The following YAP1 variants were observed in gnomAD, a reference collection of about 807,000 sequenced individuals.
The protein encoded by YAP1 is Yes1 associated transcriptional regulator, also known as transcriptional coactivator YAP1.
A neutral mutation model predicts 56.9 loss-of-function variants in YAP1; 5 were observed. The observed-to-expected ratio is 0.09, with a 90% CI of 0.05 to 0.18. The LOEUF is 0.18. Ranked by LOEUF, YAP1 falls within the 10% of genes least tolerant of loss-of-function variation. The probability of loss-of-function intolerance (pLI) is 1.00; values close to 1 mark genes in which losing one functional copy is unlikely to be tolerated. For synonymous variants in YAP1, 265 were observed against 248.1 expected (o/e 1.07, Z -0.64); for missense variants, 539 against 651.8 (o/e 0.83, Z 1.88).
intron 3 of YAP1, among the ~76,000 whole-genome samples, chr11:102,176,906 A>C (rs1947296766): frequency 6.6e-6 from 1 of 152,080 alleles, no homozygotes; most frequent in Non-Finnish European, 1.5e-5. Flanking sequence ...GGAGTGAACA[A>C]GCCATGCGGC....
At chr11:102,139,463 A>C (rs1267985525) in intron 2 of YAP1, among the ~76,000 whole-genome samples, 1 of 152,124 alleles carries the variant, frequency 6.6e-6, no homozygotes, top group Non-Finnish European at 1.5e-5. Flanking sequence ...TGCTGTGCAA[A>C]GTTTTCCCTC....
chr11:102,212,309 T>A (rs1184343053), intron 6 of YAP1, among the ~76,000 whole-genome samples: 1 of 152,216 alleles, frequency 6.6e-6, no homozygotes, highest in Non-Finnish European at 1.5e-5. Context: ...AAGCTGTCTT[T>A]AAGTACTTCC....
chr11:102,156,684 T>C (rs911163810), intron 2 of YAP1, among the ~76,000 whole-genome samples: 13 of 152,198 alleles, frequency 8.5e-5, no homozygotes, highest in African/African-American at 2.9e-4. Context: ...TTGGGAGGAA[T>C]ATTCTCAGTC....
chr11:102,112,476 T>C (rs1238614174), intron 1 of YAP1: 4 of 966,758 alleles, frequency 4.1e-6, no homozygotes, highest in Non-Finnish European at 4.9e-6. Context: ...AACTTCAGCA[T>C]AGGAACTTTG....
chr11:102,113,874 G>A (rs1380234960), intron 1 of YAP1, among the ~76,000 whole-genome samples: 1 of 152,094 alleles, frequency 6.6e-6, no homozygotes, highest in African/African-American at 2.4e-5. Flanking sequence ...AGTACTAGTT[G>A]CCCTTACATG....
intron 2 of YAP1, among the ~76,000 whole-genome samples, chr11:102,122,151 G>C (rs532407030): frequency 4.7e-4 from 71 of 152,260 alleles, no homozygotes; most frequent in Non-Finnish European, 8.1e-4. Context: ...CTGGCGCAGT[G>C]GCTCATGCCT....
At chr11:102,150,285 G>A (rs762110861) in intron 2 of YAP1, among the ~76,000 whole-genome samples, 11 of 151,960 alleles carry the variant, frequency 7.2e-5, no homozygotes, top group Non-Finnish European at 1.3e-4. Context: ...CGCCCAGCCT[G>A]CTTACTACTT....
chr11:102,197,047 T>C (rs1449181747), intron 4 of YAP1, among the ~76,000 whole-genome samples: 3 of 152,136 alleles, frequency 2.0e-5, no homozygotes, highest in Non-Finnish European at 2.9e-5. Flanking sequence ...GAGTGAGTGT[T>C]TTGTGTTTTG....
chr11:102,156,563 A>G (rs1046733188), intron 2 of YAP1, among the ~76,000 whole-genome samples: 1 of 152,166 alleles, frequency 6.6e-6, no homozygotes. Flanking sequence ...TTACGAAAAG[A>G]GCTAGGTGGA....
rs1950381228 is a variant in YAP1, at chr11:102,230,006, C to A, written c.*66C>A. 5.7e-6 allele frequency: 8 copies of A among 1,406,866 alleles called. No individual in the cohort carries two copies. In the Middle Eastern group the frequency reaches 5.5e-4, roughly 96 times the overall value. The allele number at this position is 1,406,866 out of a possible 1,614,324, so 87.1% of individuals were successfully genotyped here. On this transcript the variant is annotated 3_prime_UTR_variant, in exon 9 of 9. Transcript: ENST00000282441. The stretch of plus-strand genomic sequence containing the variant: ...AAGGAGACACATGCACCGGAAATTT[C>A]CATAAGCCAGTTGCAGTTTTCAGGC...
At chr11:102,211,606 G>T (rs959071764) in intron 6 of YAP1, among the ~76,000 whole-genome samples, 1 of 152,102 alleles carries the variant, frequency 6.6e-6, no homozygotes, top group Admixed American at 6.5e-5. Context: ...GGTGGTATTT[G>T]TATCAAGAAA....
intron 4 of YAP1, among the ~76,000 whole-genome samples, chr11:102,197,004 C>A (rs1158024724): frequency 1.3e-5 from 2 of 151,942 alleles, no homozygotes; most frequent in Admixed American, 6.5e-5. Flanking sequence ...TGATTCAGTC[C>A]CCTTAGGTCA....
intron 1 of YAP1, chr11:102,112,421 T>C (rs1345595806): frequency 1.0e-6 from 1 of 970,886 alleles, no homozygotes; most frequent in Admixed American, 6.5e-5. Context: ...TTTTATTTCT[T>C]CTTCTTTTTT....
chr11:102,233,137 C>T lies in YAP1; in HGVS notation c.*3197C>T, dbSNP rs1056430236. On this transcript the variant is annotated 3_prime_UTR_variant, in exon 9 of 9. Coordinates refer to ENST00000282441, the MANE Select transcript of YAP1 (RefSeq NM_001130145.3). ...TGAGTGCTCAGGTGGATTTTATCCT[C>T]GCAAGCATGTTGTTATAAGAATTGT... 2.6e-5 allele frequency: 4 copies of T among 152,100 alleles called. No individual in the cohort carries two copies. The highest frequency in any genetic ancestry group is 9.7e-5 in the African/African-American group (4 of 41,418). 9.4% of individuals were successfully genotyped at this position (152,100 alleles called of 1,614,324 possible). A position where few individuals can be genotyped will look rare whatever the true frequency, so the allele number is the denominator to read the frequency against.
At chr11:102,128,330 G>C (rs1034970774) in intron 2 of YAP1, among the ~76,000 whole-genome samples, 4 of 152,028 alleles carry the variant, frequency 2.6e-5, no homozygotes, top group Non-Finnish European at 4.4e-5. Flanking sequence ...AGTCTTTCCC[G>C]TGCTATTCTC....
In YAP1 at chr11:102,137,922, C is replaced by T. The variant is rs561519378; in HGVS notation, c.572+23528C>T. On this transcript the variant is annotated intron_variant, in intron 2 of 8. Transcript: ENST00000282441. ...TAAATTTCCGAGATGGAGTCTTGCTCTGTCGCCCAGGCTGGCGTGTTGTGG... is the reference window on the plus strand; with the variant it reads ...TAAATTTCCGAGATGGAGTCTTGCTTTGTCGCCCAGGCTGGCGTGTTGTGG... 7.9e-5 allele frequency among the ~76,000 whole-genome samples: 12 copies of T among 151,908 alleles called. No individual in the cohort carries two copies. The South Asian group carries it at 2.3e-3, about 29-fold the overall frequency.
chr11:102,184,076 C>CAAAAAA (rs1226783169), intron 3 of YAP1, among the ~76,000 whole-genome samples: 1 of 47,180 alleles, frequency 2.1e-5, no homozygotes, highest in African/African-American at 7.5e-5. Context: ...GACTCCGTCT[C>CAAAAAA]AAAAAAAAAA....
At chr11:102,183,691 T>A (rs1947764539) in intron 3 of YAP1, among the ~76,000 whole-genome samples, 1 of 148,974 alleles carries the variant, frequency 6.7e-6, no homozygotes, top group Non-Finnish European at 1.5e-5. Flanking sequence ...AGGTGGGGAA[T>A]AATGCTGTTT....
chr11:102,118,720 C>G (rs917155322), intron 2 of YAP1, among the ~76,000 whole-genome samples: 7 of 147,210 alleles, frequency 4.8e-5, no homozygotes, highest in African/African-American at 1.8e-4. Flanking sequence ...CACTCCACAC[C>G]AGCCTGGGCG....
Sources: allele counts gnomAD v4.1 joint callset (sites outside exome capture counted in the v4.1 genomes callset), GRCh38; gene constraint gnomAD v4.1.1; transcripts MANE v1.5; gene names NCBI Gene and HGNC (gene_info 2026-07-23, HGNC 2026-07-21).